The following MYT1L variants were observed in gnomAD, a reference collection of about 807,000 sequenced individuals.
MYT1L encodes the protein myelin transcription factor 1-like protein.
Under a neutral mutation model 126.7 loss-of-function variants are expected in MYT1L, and 12 were observed. That is an observed-to-expected ratio of 0.09 (90% CI 0.06 to 0.15). The LOEUF is 0.15. MYT1L is among the 10% of genes least tolerant of loss of function. The pLI is 1.00. For synonymous variants in MYT1L, 541 were observed against 604.2 expected (o/e 0.90, Z 1.53); for missense variants, 979 against 1,585.2 (o/e 0.62, Z 6.49).
intron 8 of MYT1L, among the ~76,000 whole-genome samples, chr2:1,954,857 A>G (rs1465131517): frequency 6.6e-6 from 1 of 151,978 alleles, no homozygotes; most frequent in Admixed American, 6.6e-5. Flanking sequence ...CTGAGGTCAG[A>G]TGTTTGAGAC....
In MYT1L at chr2:2,228,623, T is replaced by C. The variant is rs1240175808; in HGVS notation, c.-420-55635A>G. On this transcript the variant is annotated intron_variant, in intron 2 of 24. Coordinates refer to ENST00000647738, the MANE Select transcript of MYT1L (RefSeq NM_001303052.2). This position sits in a 1 kb window ranked among gnomAD's most constrained non-coding sequence, Gnocchi z 5.9. ...AAAAATTTTAAGCTAATAATATAAA[T>C]TGCAGTCTAGAAACCCACTTTGTCT... 1.3e-5 allele frequency among the ~76,000 whole-genome samples: 2 copies of C among 152,158 alleles called. No homozygotes were observed. The highest frequency in any genetic ancestry group is 4.8e-5 in the African/African-American group (2 of 41,434).
intron 19 of MYT1L, chr2:1,842,739 A>C (rs2041916733): frequency 1.3e-5 from 2 of 154,300 alleles, no homozygotes; most frequent in South Asian, 1.9e-4. Flanking sequence ...CGGATGCCCC[A>C]AAATTAGACT....
chr2:2,300,579 C>T (rs2095767286), intron 1 of MYT1L, among the ~76,000 whole-genome samples: 1 of 152,186 alleles, frequency 6.6e-6, no homozygotes, highest in Admixed American at 6.5e-5. Context: ...ATAAATGAAG[C>T]ACAGTTTTCC....
At chr2:1,849,934 C>T (rs1046899569) in intron 19 of MYT1L, among the ~76,000 whole-genome samples, 2 of 151,984 alleles carry the variant, frequency 1.3e-5, no homozygotes, top group East Asian at 3.9e-4. Context: ...GGTGAGGGTC[C>T]CCCACTCTGA....
At chr2:1,854,842 C>T (rs11684396) in intron 18 of MYT1L, among the ~76,000 whole-genome samples, 2,131 of 152,302 alleles carry the variant, frequency 0.014, 42 homozygotes, top group African/African-American at 0.048. Flanking sequence ...CGCCTCTCCA[C>T]CCGCCTGCAT....
chr2:1,896,738 C>T (rs1216907639), intron 14 of MYT1L, among the ~76,000 whole-genome samples: 2 of 152,154 alleles, frequency 1.3e-5, no homozygotes, highest in African/African-American at 4.8e-5. Context: ...TGTTCACTAC[C>T]TGGGTGCAAT....
At chr2:2,070,815 A>G (rs2074511045) in intron 3 of MYT1L, among the ~76,000 whole-genome samples, 1 of 152,244 alleles carries the variant, frequency 6.6e-6, no homozygotes, top group Non-Finnish European at 1.5e-5. Context: ...CTCCATGTAC[A>G]TCATTACTTA....
rs1330591467 is a variant in MYT1L at position 1,806,728 on chromosome 2, T to C, written c.3172+2348A>G. On this transcript the variant is annotated intron_variant, in intron 22 of 24. Coordinates refer to ENST00000647738, the MANE Select transcript of MYT1L (RefSeq NM_001303052.2). The surrounding 1 kb of genome is among the most constrained non-coding windows in gnomAD (Gnocchi z 4.9). ...GCCCAGGTGTGAATGGCCCCTCCTC[T>C]AGGATTGGCAGATCTGTTCTCTCCG... Among the ~76,000 whole-genome samples the C allele has an allele frequency of 4.6e-5, 7 of 152,170 alleles. No individual in the cohort carries two copies. Among genetic ancestry groups the C allele is most frequent in the Non-Finnish European group, 4.4e-5 (3 of 68,024 alleles).
At chr2:2,288,537 A>G (rs1418724396) in intron 1 of MYT1L, among the ~76,000 whole-genome samples, 1 of 152,244 alleles carries the variant, frequency 6.6e-6, no homozygotes, top group Non-Finnish European at 1.5e-5. Context: ...ATTTGGTCAC[A>G]GCATGAAAAC....
intron 3 of MYT1L, among the ~76,000 whole-genome samples, chr2:2,101,712 C>T (rs925635867): frequency 6.6e-6 from 1 of 152,120 alleles, no homozygotes; most frequent in Non-Finnish European, 1.5e-5. Context: ...ATTAATCCAT[C>T]CAGCCATCCA....
intron 2 of MYT1L, among the ~76,000 whole-genome samples, chr2:2,253,844 T>A (rs187393471): frequency 3.9e-5 from 6 of 152,112 alleles, no homozygotes; most frequent in Admixed American, 3.9e-4. Flanking sequence ...CCGGAAACAA[T>A]CATTCCAGCC....
At chr2:2,086,566 T>C (rs1310865647) in intron 3 of MYT1L, among the ~76,000 whole-genome samples, 2 of 152,134 alleles carry the variant, frequency 1.3e-5, no homozygotes, top group Non-Finnish European at 2.9e-5. Flanking sequence ...ATTTCACACA[T>C]AGAATCACTC....
At chr2:2,236,484 C>T (rs2094309733) in intron 2 of MYT1L, among the ~76,000 whole-genome samples, 1 of 149,798 alleles carries the variant, frequency 6.7e-6, no homozygotes, top group African/African-American at 2.5e-5. Context: ...CAACCCAACC[C>T]AGCACATCCG....
intron 18 of MYT1L, among the ~76,000 whole-genome samples, chr2:1,860,634 G>A (rs144256785): frequency 6.6e-6 from 1 of 152,236 alleles, no homozygotes; most frequent in Non-Finnish European, 1.5e-5. Context: ...AATTCCTTTC[G>A]GGCGGTGGGA....
rs573460639 is a variant in MYT1L, at chr2:1,855,593, A to G, written c.2712-3890T>C. Among the ~76,000 whole-genome samples the G allele has an allele frequency of 5.9e-5, 9 of 152,364 alleles. No individual in the cohort carries two copies. The South Asian group carries it at 1.9e-3, about 32-fold the overall frequency. ...GCTTTCCTGACAGTTACCACGAACA[A>G]TAACAGCAAGGCTATTTTAAGTTCC... On this transcript the variant is annotated intron_variant, in intron 18 of 24. Transcript: ENST00000647738.
chr2:1,977,557 GA>G (rs1558606143), intron 8 of MYT1L, among the ~76,000 whole-genome samples: 1 of 152,120 alleles, frequency 6.6e-6, no homozygotes, highest in African/African-American at 2.4e-5. Flanking sequence ...TAACACAAAG[GA>G]TAAATGCTTG....
At chr2:1,934,526 G>C (rs1327180748) in intron 9 of MYT1L, among the ~76,000 whole-genome samples, 1 of 151,488 alleles carries the variant, frequency 6.6e-6, no homozygotes, top group Non-Finnish European at 1.5e-5. Flanking sequence ...GACATTTTAG[G>C]TATCTGGCTT....
At chr2:2,289,091 G>A (rs2095562450) in intron 1 of MYT1L, among the ~76,000 whole-genome samples, 1 of 152,170 alleles carries the variant, frequency 6.6e-6, no homozygotes, top group Non-Finnish European at 1.5e-5. Context: ...AGCCCACGAT[G>A]ACACTTGTCT....
chr2:1,815,975 C>T (rs1011369613), intron 21 of MYT1L, among the ~76,000 whole-genome samples: 1 of 152,152 alleles, frequency 6.6e-6, no homozygotes, highest in East Asian at 1.9e-4. Context: ...CGCCCCATGG[C>T]ACAGTTATCT....
Sources: allele counts gnomAD v4.1 joint callset (sites outside exome capture counted in the v4.1 genomes callset), GRCh38; gene constraint gnomAD v4.1.1; non-coding constraint Gnocchi (gnomAD v3.1); transcripts MANE v1.5; gene names NCBI Gene and HGNC (gene_info 2026-07-23, HGNC 2026-07-21).